DOCK3: variants seen among roughly 807,000 people sequenced by gnomAD.
DOCK3 encodes dedicator of cytokinesis 3.
A neutral mutation model predicts 265.6 loss-of-function variants in DOCK3; 60 were observed. The ratio of observed to expected loss-of-function variants is 0.23; its 90% CI spans 0.18 to 0.28. The LOEUF (loss-of-function observed/expected upper bound fraction) is 0.28, where lower values mean the gene tolerates loss of function less well. Ranked by LOEUF, DOCK3 falls within the 10% of genes least tolerant of loss-of-function variation. The probability of loss-of-function intolerance (pLI) is 1.00; values close to 1 mark genes in which losing one functional copy is unlikely to be tolerated. For missense variants in DOCK3, 1,981 were observed against 2,594.3 expected (o/e 0.76, Z 5.14); for synonymous variants, 881 against 938.0 (o/e 0.94, Z 1.11).
At chr3:50,888,361 G>C (rs2107713165) in intron 3 of DOCK3, among the ~76,000 whole-genome samples, 1 of 152,198 alleles carries the variant, frequency 6.6e-6, no homozygotes, top group South Asian at 2.1e-4. Flanking sequence ...AAATAAGAGA[G>C]GATACAAATA....
In DOCK3 at chr3:51,218,568, T is replaced by C. The variant is rs77140641; in HGVS notation, c.1252+4321T>C. Among the ~76,000 whole-genome samples the C allele has an allele frequency of 6.3e-4, 96 of 152,344 alleles. No individual in the cohort carries two copies. The East Asian group carries it at 0.017, about 28-fold the overall frequency. Reference sequence around the variant, plus strand: ...TTTCTTTGCTTTCCTGGAAAGTCTGTACCCTGTAGTCAGTGGAAATAAAGG... The same window carrying C: ...TTTCTTTGCTTTCCTGGAAAGTCTGCACCCTGTAGTCAGTGGAAATAAAGG... On this transcript the variant is annotated intron_variant, in intron 14 of 52. Transcript: ENST00000266037.
chr3:50,812,039 G>T (rs1330337703), intron 2 of DOCK3, among the ~76,000 whole-genome samples: 1 of 152,184 alleles, frequency 6.6e-6, no homozygotes, highest in African/African-American at 2.4e-5. Context: ...AAAGAGCATG[G>T]ATGCCATAGG....
intron 24 of DOCK3, among the ~76,000 whole-genome samples, chr3:51,273,921 A>G (rs1326463079): frequency 6.6e-6 from 1 of 152,224 alleles, no homozygotes; most frequent in Non-Finnish European, 1.5e-5. Flanking sequence ...TGTATTTCAC[A>G]TGTCTCCTAA....
chr3:51,375,885 G>T, intron 51 of DOCK3, 50 bp downstream of exon 51: 1 of 1,597,842 alleles, frequency 6.3e-7, no homozygotes, highest in Non-Finnish European at 8.6e-7. Flanking sequence ...CATCCTGAGT[G>T]TCTGACTCTT....
At chr3:50,719,751 T>C (rs1377308801) in intron 1 of DOCK3, 1 of 1,125,148 alleles carries the variant, frequency 8.9e-7, no homozygotes, top group Non-Finnish European at 1.4e-6. Flanking sequence ...ATAGATGGAC[T>C]TGCCACCAGT....
At chr3:50,874,066 G>GTTTTTTTTTTTTTTTTTTTTTTTTTTTTT (rs3043436) in intron 3 of DOCK3, among the ~76,000 whole-genome samples, 2 of 106,228 alleles carry the variant, frequency 1.9e-5, no homozygotes, top group African/African-American at 3.2e-5. Flanking sequence ...CTTTTCTTTT[G>GTTTTTTTTTTTTTTTTTTTTTTTTTTTTT]TTTTTTTTTT....
At chr3:50,830,926 G>A (rs2045105548) in intron 2 of DOCK3, among the ~76,000 whole-genome samples, 1 of 152,082 alleles carries the variant, frequency 6.6e-6, no homozygotes, top group African/African-American at 2.4e-5. Context: ...TGCTAAACAA[G>A]GGGTAGATTA....
intron 4 of DOCK3, among the ~76,000 whole-genome samples, chr3:50,898,087 G>A (rs2048982416): frequency 7.7e-6 from 1 of 129,302 alleles, no homozygotes; most frequent in Admixed American, 8.3e-5. Context: ...GATAGAATTT[G>A]GCTGTGAATC....
intron 27 of DOCK3, among the ~76,000 whole-genome samples, chr3:51,300,035 C>T (rs2082292235): frequency 6.6e-6 from 1 of 152,140 alleles, no homozygotes; most frequent in Non-Finnish European, 1.5e-5. Context: ...TTGATTCTTC[C>T]TATCCATGAG....
At chr3:51,017,049 C>G (rs1386432678) in intron 5 of DOCK3, among the ~76,000 whole-genome samples, 1 of 145,600 alleles carries the variant, frequency 6.9e-6, no homozygotes, top group Non-Finnish European at 1.5e-5. Flanking sequence ...TGGCTTTGAT[C>G]TTATTACTTG....
At chr3:51,011,809 A>T (rs2078963771) in intron 5 of DOCK3, among the ~76,000 whole-genome samples, 1 of 152,010 alleles carries the variant, frequency 6.6e-6, no homozygotes, top group Admixed American at 6.6e-5. Context: ...TTTGGTGTGG[A>T]TGTCCTTTCT....
chr3:50,704,793 T>A (rs1336035660), intron 1 of DOCK3, among the ~76,000 whole-genome samples: 1 of 151,694 alleles, frequency 6.6e-6, no homozygotes, highest in Non-Finnish European at 1.5e-5. Context: ...GCTCAGCTAA[T>A]TTTTTTTGTA....
chr3:51,230,700 A>G (rs1402878558), intron 19 of DOCK3, among the ~76,000 whole-genome samples: 1 of 152,144 alleles, frequency 6.6e-6, no homozygotes, highest in Non-Finnish European at 1.5e-5. Flanking sequence ...TATTTTTAAT[A>G]GAGATGAGAT....
At chr3:50,822,019 A>T (rs1006981582) in intron 2 of DOCK3, among the ~76,000 whole-genome samples, 4 of 152,142 alleles carry the variant, frequency 2.6e-5, no homozygotes, top group East Asian at 3.9e-4. Flanking sequence ...TGAATTTTAG[A>T]ATTATTTTTT....
intron 12 of DOCK3, among the ~76,000 whole-genome samples, chr3:51,206,879 A>G (rs2089243219): frequency 6.6e-6 from 1 of 152,248 alleles, no homozygotes; most frequent in Non-Finnish European, 1.5e-5. Context: ...GTGAGATTTT[A>G]TGATTGCAAA....
chr3:51,001,962 G>A (rs1028854229), intron 5 of DOCK3, among the ~76,000 whole-genome samples: 9 of 151,936 alleles, frequency 5.9e-5, no homozygotes, highest in Admixed American at 3.3e-4. Flanking sequence ...CACCCAGGCC[G>A]GAATGCAGTG....
At chr3:51,249,465 C>T (rs1215741872) in intron 22 of DOCK3, among the ~76,000 whole-genome samples, 1 of 110,872 alleles carries the variant, frequency 9.0e-6, no homozygotes, top group Non-Finnish European at 1.9e-5. Context: ...GTGAGGAGCC[C>T]CTCTGCCCAG....
intron 5 of DOCK3, among the ~76,000 whole-genome samples, chr3:50,939,434 A>G (rs926714373): frequency 6.6e-6 from 1 of 152,130 alleles, no homozygotes; most frequent in African/African-American, 2.4e-5. Context: ...ACAAAAAGAA[A>G]AAAATCTGGA....
At chr3:50,768,368 A>G (rs923744586) in intron 1 of DOCK3, among the ~76,000 whole-genome samples, 8 of 152,174 alleles carry the variant, frequency 5.3e-5, no homozygotes, top group Non-Finnish European at 1.2e-4. Flanking sequence ...AGACACAACA[A>G]AAAAAGAGAA....
Sources: gnomAD v4.1 joint callset for allele counts (sites outside exome capture counted in the v4.1 genomes callset) on GRCh38, gnomAD v4.1.1 for gene constraint, MANE v1.5 for transcripts, NCBI Gene and HGNC (gene_info 2026-07-23, HGNC 2026-07-21) for gene names.